The following GLG1 variants were observed in gnomAD, a reference collection of about 807,000 sequenced individuals.
GLG1 encodes golgi glycoprotein 1.
Under a neutral mutation model 160.5 loss-of-function variants are expected in GLG1, and 38 were observed. That is an observed-to-expected ratio of 0.24 (90% CI 0.18 to 0.31). The LOEUF (loss-of-function observed/expected upper bound fraction) is 0.31, where lower values mean the gene tolerates loss of function less well. Among genes scored for constraint, GLG1 ranks in the 10% least tolerant of loss-of-function variants. The probability of loss-of-function intolerance (pLI) is 1.00; values close to 1 mark genes in which losing one functional copy is unlikely to be tolerated. For synonymous variants in GLG1, 644 were observed against 543.4 expected (o/e 1.19, Z -2.57); for missense variants, 1,373 against 1,505.2 (o/e 0.91, Z 1.45).
intron 1 of GLG1, among the ~76,000 whole-genome samples, chr16:74,541,368 A>G (rs566391693): frequency 6.6e-6 from 1 of 150,730 alleles, no homozygotes; most frequent in South Asian, 2.1e-4. Flanking sequence ...TACTCATGGT[A>G]TTTTTCACAT....
chr16:74,481,445 T>C (rs2015595086), intron 10 of GLG1, among the ~76,000 whole-genome samples: 1 of 152,190 alleles, frequency 6.6e-6, no homozygotes, highest in South Asian at 2.1e-4. Flanking sequence ...AACTAATATT[T>C]AATGAGTAAC....
intron 3 of GLG1, 148 bp from the exon 4 acceptor site, chr16:74,503,894 C>T: frequency 1.6e-6 from 1 of 617,170 alleles, no homozygotes; most frequent in Non-Finnish European, 2.9e-6. Flanking sequence ...GAAATATATC[C>T]AAGGAAAACA....
intron 10 of GLG1, 77 bp from the exon 11 acceptor site, chr16:74,480,471 G>A: frequency 3.7e-6 from 4 of 1,068,948 alleles, no homozygotes; most frequent in South Asian, 3.0e-5. Context: ...GTTTTTATGA[G>A]GTGTTTGCTT....
intron 11 of GLG1, among the ~76,000 whole-genome samples, chr16:74,478,807 G>C (rs1476396894): frequency 1.3e-5 from 2 of 151,058 alleles, no homozygotes; most frequent in African/African-American, 2.5e-5. Flanking sequence ...AGCTAATCTG[G>C]AGGGTGAGGC....
chr16:74,591,816 AT>A (rs1325569790), intron 1 of GLG1, among the ~76,000 whole-genome samples: 5 of 152,144 alleles, frequency 3.3e-5, no homozygotes, highest in Non-Finnish European at 4.4e-5. Flanking sequence ...TTTCAGAAAA[AT>A]TTCAGTAATT....
At chr16:74,498,180 C>G (rs1319716231) in intron 4 of GLG1, among the ~76,000 whole-genome samples, 1 of 151,686 alleles carries the variant, frequency 6.6e-6, no homozygotes, top group Non-Finnish European at 1.5e-5. Context: ...TGCCTGTAAT[C>G]CTAGCACTTT....
Position 74,606,918 on chromosome 16 carries a change from C to T in GLG1, c.177G>A (p.Ala59=), listed in dbSNP as rs1403666110. 6.2e-7 allele frequency: 1 copy of T among 1,606,508 alleles called. No homozygotes were observed. Among genetic ancestry groups the T allele is most frequent in the Non-Finnish European group, 8.5e-7 (1 of 1,178,140 alleles). The part of the protein sequence containing the change: ...FVGQAGGGGP[A]GQQLPQLPQS... ...GAGGCAGCTGGGGCAGCTGCTGACC[C>T]GCCGGGCCGCCGCCTCCGGCCTGCC... Residue 59 remains alanine, a synonymous_variant, in exon 1 of 26, where the codon GCG becomes GCA. Transcript: ENST00000422840.
At chr16:74,503,767 G>C in intron 3 of GLG1, 21 bp from the exon 4 acceptor site, 1 of 1,503,762 alleles carries the variant, frequency 6.6e-7, no homozygotes, top group African/African-American at 1.4e-5. Context: ...TAAAGTAGCT[G>C]TTTTACAAAA....
rs2016198745 is a variant in GLG1, at chr16:74,496,647, A to C, written c.775-3T>G. ...ACCTCACCTTGTGAATGTGCATCCT[A>C]AAATAGCGAGGATATTAATATTTTA... On this transcript the variant is annotated splice_polypyrimidine_tract_variant and splice_region_variant and intron_variant, in intron 4 of 25. Coordinates refer to ENST00000422840, the MANE Select transcript of GLG1 (RefSeq NM_001145667.2). The C allele has an allele frequency of 6.3e-7, 1 of 1,596,998 alleles. No homozygotes were observed.
At chr16:74,466,628 C>A (rs1377831043) in intron 18 of GLG1, among the ~76,000 whole-genome samples, 2 of 152,080 alleles carry the variant, frequency 1.3e-5, no homozygotes, top group African/African-American at 2.4e-5. Context: ...GCAATCAAAA[C>A]AGAATTTTAA....
chr16:74,502,059 C>A (rs1246024196), intron 4 of GLG1, among the ~76,000 whole-genome samples: 2 of 152,210 alleles, frequency 1.3e-5, no homozygotes, highest in Non-Finnish European at 2.9e-5. Context: ...TTCCAGGATC[C>A]TAACACCATG....
chr16:74,593,592 G>T (rs1958233898), intron 1 of GLG1, among the ~76,000 whole-genome samples: 1 of 151,738 alleles, frequency 6.6e-6, no homozygotes, highest in Admixed American at 6.6e-5. Flanking sequence ...GTGTGACCAT[G>T]CCTGGCTAAT....
At chr16:74,523,422 C>T (rs1325189606) in intron 2 of GLG1, among the ~76,000 whole-genome samples, 1 of 152,130 alleles carries the variant, frequency 6.6e-6, no homozygotes, top group South Asian at 2.1e-4. Context: ...ATCGCTTTGG[C>T]TGTTACAGGT....
chr16:74,549,624 C>A (rs55937717), intron 1 of GLG1, among the ~76,000 whole-genome samples: 1 of 152,056 alleles, frequency 6.6e-6, no homozygotes, highest in Non-Finnish European at 1.5e-5. Flanking sequence ...CCTAGCACAG[C>A]TAGCATAGCA....
intron 1 of GLG1, among the ~76,000 whole-genome samples, chr16:74,543,040 C>CA (rs1486825603): frequency 6.6e-6 from 1 of 151,996 alleles, no homozygotes; most frequent in Non-Finnish European, 1.5e-5. Flanking sequence ...GCACATGCCA[C>CA]AACTCTTCCA....
rs2014400890 is a variant in GLG1, at chr16:74,453,344, C to G, written c.3373-10G>C. ...CATCTGCTGGGGCCACCTAGAATGACACAAGGCAATGTGATTCTCTGAGAG... is the reference window on the plus strand; with the variant it reads ...CATCTGCTGGGGCCACCTAGAATGAGACAAGGCAATGTGATTCTCTGAGAG... On this transcript the variant is annotated splice_polypyrimidine_tract_variant and intron_variant, in intron 25 of 25. Coordinates refer to ENST00000422840, the MANE Select transcript of GLG1 (RefSeq NM_001145667.2). The G allele has an allele frequency of 6.3e-7, 1 of 1,598,142 alleles. No individual in the cohort carries two copies. The highest frequency in any genetic ancestry group is 1.3e-5 in the African/African-American group (1 of 74,732).
intron 1 of GLG1, among the ~76,000 whole-genome samples, chr16:74,594,990 C>G (rs1340543049): frequency 1.3e-5 from 2 of 151,788 alleles, no homozygotes; most frequent in Non-Finnish European, 2.9e-5. Context: ...AGATCAAGAC[C>G]ATCCTGGCTA....
chr16:74,583,472 C>A (rs1957981423), intron 1 of GLG1, among the ~76,000 whole-genome samples: 1 of 152,134 alleles, frequency 6.6e-6, no homozygotes, highest in Non-Finnish European at 1.5e-5. Flanking sequence ...CCTCCATCTC[C>A]CGGGTTCAAG....
At chr16:74,478,013 T>TAAATAAATAAA (rs548461001) in intron 11 of GLG1, among the ~76,000 whole-genome samples, 1 of 150,406 alleles carries the variant, frequency 6.6e-6, no homozygotes, top group East Asian at 2.0e-4. Flanking sequence ...AATAAATAAA[T>TAAATAAATAAA]AAAATGTGCA....
Sources: gnomAD v4.1 joint callset for allele counts (sites outside exome capture counted in the v4.1 genomes callset) on GRCh38, gnomAD v4.1.1 for gene constraint, MANE v1.5 for transcripts, NCBI Gene and HGNC (gene_info 2026-07-23, HGNC 2026-07-21) for gene names.